CADM2: variants seen among roughly 807,000 people sequenced by gnomAD.
The protein encoded by CADM2 is cell adhesion molecule 2.
Under a neutral mutation model 49.8 loss-of-function variants are expected in CADM2, and 12 were observed. The ratio of observed to expected loss-of-function variants is 0.24; its 90% confidence interval spans 0.15 to 0.39. The LOEUF is 0.39. Ranked by LOEUF, CADM2 falls within the 10% of genes least tolerant of loss-of-function variation. CADM2 has a pLI of 1.00. For missense variants in CADM2, 378 were observed against 492.3 expected (o/e 0.77, Z 2.20); for synonymous variants, 214 against 175.4 (o/e 1.22, Z -1.74).
intron 5 of CADM2, among the ~76,000 whole-genome samples, chr3:85,895,896 CTG>C (rs1294027259): frequency 6.6e-6 from 1 of 152,190 alleles, no homozygotes; most frequent in African/African-American, 2.4e-5. Context: ...CCATATGGAA[CTG>C]TGAGTCCATT....
intron 1 of CADM2, among the ~76,000 whole-genome samples, chr3:85,643,159 G>A (rs1375837576): frequency 2.6e-5 from 4 of 152,066 alleles, no homozygotes; most frequent in Admixed American, 6.5e-5. Context: ...AAATGGAATG[G>A]TGATTTTGAA....
intron 1 of CADM2, among the ~76,000 whole-genome samples, chr3:85,497,850 AT>A (rs2039966657): frequency 6.6e-6 from 1 of 151,744 alleles, no homozygotes; most frequent in Non-Finnish European, 1.5e-5. Context: ...CTATCTATCC[AT>A]TTATCTGTAT....
chr3:85,505,112 G>A (rs12495758), intron 1 of CADM2, among the ~76,000 whole-genome samples: 107,203 of 152,148 alleles, frequency 0.7, 38,198 homozygotes, highest in East Asian at 0.93. Context: ...GCCAGCCCAG[G>A]AGGGGGCTCC....
chr3:86,025,086 C>T (rs1424382147), intron 8 of CADM2, among the ~76,000 whole-genome samples: 1 of 151,624 alleles, frequency 6.6e-6, no homozygotes, highest in Non-Finnish European at 1.5e-5. Context: ...GACGGAGTCT[C>T]TCTCTGTCGC....
In CADM2 at chr3:85,007,028, T is replaced by G. The variant is rs573993294; in HGVS notation, c.61+47360T>G. Reference sequence around the variant, plus strand: ...AATCAAATTAATTCTTACTATATATTTACAGTGTATTTAGAGCAACCTATA... The same window carrying G: ...AATCAAATTAATTCTTACTATATATGTACAGTGTATTTAGAGCAACCTATA... On this transcript the variant is annotated intron_variant, in intron 1 of 9. Transcript: ENST00000383699. 4.6e-5 allele frequency among the ~76,000 whole-genome samples: 7 copies of G among 152,242 alleles called. No individual in the cohort carries two copies. The East Asian group carries it at 1.4e-3, about 29-fold the overall frequency.
intron 8 of CADM2, among the ~76,000 whole-genome samples, chr3:86,028,230 A>G (rs1734142931): frequency 6.6e-6 from 1 of 151,936 alleles, no homozygotes; most frequent in Non-Finnish European, 1.5e-5. Flanking sequence ...AGTCAAAAAA[A>G]AAAAAAAGAA....
intron 1 of CADM2, among the ~76,000 whole-genome samples, chr3:85,497,910 A>AAT (rs1269931822): frequency 6.6e-6 from 1 of 151,642 alleles, no homozygotes; most frequent in Non-Finnish European, 1.5e-5. Context: ...TATATATATA[A>AAT]ATATATATAC....
chr3:85,293,021 A>G lies in CADM2; in HGVS notation c.61+333353A>G, dbSNP rs540216967. ...CAGGAGCTGGTTTTTTGAAAGGATC[A>G]ACAAAATTGATAGACCGCTAGCAAG... On this transcript the variant is annotated intron_variant, in intron 1 of 9. Coordinates refer to ENST00000383699, the MANE Select transcript of CADM2 (RefSeq NM_001167675.2). 2.0e-5 allele frequency among the ~76,000 whole-genome samples: 3 copies of G among 152,342 alleles called. No homozygotes were observed. In the East Asian group the frequency reaches 5.8e-4, roughly 29 times the overall value.
At chr3:85,815,858 G>A (rs2073172163) in intron 3 of CADM2, among the ~76,000 whole-genome samples, 1 of 152,108 alleles carries the variant, frequency 6.6e-6, no homozygotes, top group Admixed American at 6.6e-5. Context: ...CATCATCTCA[G>A]CCTGAAATCT....
chr3:85,568,870 T>C (rs2062396154), intron 1 of CADM2, among the ~76,000 whole-genome samples: 1 of 151,902 alleles, frequency 6.6e-6, no homozygotes, highest in Non-Finnish European at 1.5e-5. Context: ...GGCCTTCCAA[T>C]ACGGACAATA....
chr3:85,800,598 C>CA (rs1328627475), intron 2 of CADM2, among the ~76,000 whole-genome samples: 3 of 152,186 alleles, frequency 2.0e-5, no homozygotes. Flanking sequence ...AGCATAGTAT[C>CA]TGGGCCAGAT....
rs1238403707 is a variant in CADM2 at position 85,942,485 on chromosome 3, TC to T, written c.791+6634del. On this transcript the variant is annotated intron_variant, in intron 7 of 9. Coordinates refer to ENST00000383699, the MANE Select transcript of CADM2 (RefSeq NM_001167675.2). ...ATCTCCCAGTGCTATCCCTCCCCCC[TC>T]CCCCCACCCCACAACAGTCCCCAGA... Among the ~76,000 whole-genome samples the T allele has an allele frequency of 5.5e-5, 5 of 90,338 alleles. No individual in the cohort carries two copies. The East Asian group carries it at 1.8e-3, about 32-fold the overall frequency. 59.3% of individuals were successfully genotyped at this position (90,338 alleles called of 152,430 possible).
chr3:85,782,142 A>G (rs1333226846), intron 2 of CADM2, among the ~76,000 whole-genome samples: 2 of 152,194 alleles, frequency 1.3e-5, no homozygotes, highest in African/African-American at 4.8e-5. Context: ...AACAACTTCT[A>G]TCAATTATTA....
At chr3:85,970,483 T>C (rs2108639949) in intron 8 of CADM2, among the ~76,000 whole-genome samples, 1 of 151,692 alleles carries the variant, frequency 6.6e-6, no homozygotes, top group African/African-American at 2.4e-5. Flanking sequence ...TTCATTAATA[T>C]GCATGTGCAA....
intron 1 of CADM2, among the ~76,000 whole-genome samples, chr3:85,616,716 T>C (rs979727644): frequency 6.6e-6 from 1 of 152,190 alleles, no homozygotes; most frequent in South Asian, 2.1e-4. Flanking sequence ...TTGTGTGTCA[T>C]TTTAATAAGA....
chr3:85,043,992 T>C (rs2035550607), intron 1 of CADM2, among the ~76,000 whole-genome samples: 1 of 152,128 alleles, frequency 6.6e-6, no homozygotes, highest in Non-Finnish European at 1.5e-5. Context: ...CTAAATCTCC[T>C]TGTGTTCACT....
intron 2 of CADM2, among the ~76,000 whole-genome samples, chr3:85,797,623 T>C (rs1376935484): frequency 6.6e-6 from 1 of 152,182 alleles, no homozygotes; most frequent in East Asian, 1.9e-4. Flanking sequence ...TATTCCATGG[T>C]GTATATGTGC....
chr3:85,858,856 C>T (rs1453689746), intron 3 of CADM2, among the ~76,000 whole-genome samples: 1 of 152,124 alleles, frequency 6.6e-6, no homozygotes, highest in Non-Finnish European at 1.5e-5. Flanking sequence ...CTTGGAGTGG[C>T]TTATTGCTAC....
chr3:85,356,784 A>G (rs1002159251), intron 1 of CADM2, among the ~76,000 whole-genome samples: 2 of 152,156 alleles, frequency 1.3e-5, no homozygotes, highest in Non-Finnish European at 2.9e-5. Context: ...TTTTATGAAG[A>G]CTTTGAAAAA....
Sources: gnomAD v4.1 joint callset for allele counts (sites outside exome capture counted in the v4.1 genomes callset) on GRCh38, gnomAD v4.1.1 for gene constraint, MANE v1.5 for transcripts, NCBI Gene and HGNC (gene_info 2026-07-23, HGNC 2026-07-21) for gene names.